The following ZMYM2 variants were observed in gnomAD, a reference collection of about 807,000 sequenced individuals.
ZMYM2 encodes the protein zinc finger MYM-type protein 2.
Under a neutral mutation model 162.8 loss-of-function variants are expected in ZMYM2, and 56 were observed. The observed-to-expected ratio is 0.34, with a 90% confidence interval of 0.28 to 0.43. The LOEUF (loss-of-function observed/expected upper bound fraction) is 0.43. Among genes scored for constraint, ZMYM2 ranks in the 20% least tolerant of loss-of-function variants. The pLI, the probability that ZMYM2 is intolerant of heterozygous loss-of-function variation, is 1.00. For missense variants in ZMYM2, 1,275 were observed against 1,621.8 expected (o/e 0.79, Z 3.67); for synonymous variants, 510 against 541.6 (o/e 0.94, Z 0.81).
chr13:20,064,996 G>GTT (rs1956563312), intron 19 of ZMYM2, among the ~76,000 whole-genome samples: 1 of 152,102 alleles, frequency 6.6e-6, no homozygotes, highest in East Asian at 1.9e-4. Context: ...GATCAGTGGG[G>GTT]TTGAAGTACA....
chr13:19,884,697 T>C, the ZMYM2 span, among the ~76,000 whole-genome samples: 7 of 152,146 alleles, frequency 4.6e-5, no homozygotes, highest in African/African-American at 1.2e-4. Context: ...ACTTCGTTCC[T>C]TGCGGCGGAT....
chr13:19,988,382 A>T (rs1949346021), intron 2 of ZMYM2, among the ~76,000 whole-genome samples: 1 of 152,242 alleles, frequency 6.6e-6, no homozygotes, highest in South Asian at 2.1e-4. Context: ...TTTGATAGTT[A>T]AAGTGAACAT....
intron 12 of ZMYM2, among the ~76,000 whole-genome samples, chr13:20,046,809 C>G (rs1297744801): frequency 1.3e-5 from 2 of 151,292 alleles, no homozygotes; most frequent in East Asian, 3.9e-4. Flanking sequence ...GTCGTGTGTT[C>G]CACCTTGCTA....
the ZMYM2 span, among the ~76,000 whole-genome samples, chr13:19,920,742 GTATGTA>G: frequency 3.0e-4 from 3 of 10,098 alleles, no homozygotes; most frequent in Non-Finnish European, 1.2e-3. Context: ...ATGTGTGTAT[GTATGTA>G]TGTATGTATG....
chr13:19,874,280 C>G, the ZMYM2 span, among the ~76,000 whole-genome samples: 2 of 152,088 alleles, frequency 1.3e-5, no homozygotes, highest in Non-Finnish European at 2.9e-5. Context: ...AGTGCAGTAG[C>G]GTGATCACAG....
intron 3 of ZMYM2, among the ~76,000 whole-genome samples, chr13:19,996,239 C>T (rs1265277660): frequency 1.3e-5 from 2 of 152,086 alleles, no homozygotes; most frequent in South Asian, 2.1e-4. Flanking sequence ...TCTTATTTGT[C>T]GAGTAATGTC....
chr13:19,924,715 T>C, the ZMYM2 span, among the ~76,000 whole-genome samples: 1 of 152,180 alleles, frequency 6.6e-6, no homozygotes, highest in African/African-American at 2.4e-5. Context: ...CGTCTATGGA[T>C]GGAGATTTGG....
chr13:20,015,497 TG>T (rs1311707779), intron 6 of ZMYM2, among the ~76,000 whole-genome samples: 3 of 152,212 alleles, frequency 2.0e-5, no homozygotes, highest in Non-Finnish European at 4.4e-5. Flanking sequence ...GTTCAAGATT[TG>T]TCTTTACTTA....
intron 21 of ZMYM2, among the ~76,000 whole-genome samples, chr13:20,074,789 T>C (rs923433125): frequency 6.6e-6 from 1 of 151,244 alleles, no homozygotes; most frequent in Non-Finnish European, 1.5e-5. Context: ...CCGCCTGCCT[T>C]GGCCTCCCAA....
intron 11 of ZMYM2, among the ~76,000 whole-genome samples, chr13:20,036,478 T>C (rs1400747550): frequency 6.6e-6 from 1 of 152,158 alleles, no homozygotes; most frequent in Admixed American, 6.5e-5. Context: ...TCTGTTTAAA[T>C]AGAACAAATA....
At chr13:19,932,248 A>G in the ZMYM2 span, among the ~76,000 whole-genome samples, 32 of 152,200 alleles carry the variant, frequency 2.1e-4, no homozygotes, top group Non-Finnish European at 4.1e-4. Context: ...TTAAAGCCCT[A>G]GCCCCAATGT....
At chr13:19,990,276 G>T (rs1949500787) in intron 2 of ZMYM2, among the ~76,000 whole-genome samples, 1 of 152,190 alleles carries the variant, frequency 6.6e-6, no homozygotes, top group Non-Finnish European at 1.5e-5. Context: ...TGTAATTAAT[G>T]AATTAGCTAG....
the ZMYM2 span, among the ~76,000 whole-genome samples, chr13:19,909,902 G>C: frequency 6.6e-6 from 1 of 151,962 alleles, no homozygotes; most frequent in Non-Finnish European, 1.5e-5. Context: ...TGAGAGAAGA[G>C]TGGAAGAAAA....
At chr13:20,028,242 T>A (rs1289478639) in intron 9 of ZMYM2, among the ~76,000 whole-genome samples, 1 of 152,216 alleles carries the variant, frequency 6.6e-6, no homozygotes, top group Non-Finnish European at 1.5e-5. Flanking sequence ...AAGACTTAAC[T>A]TGTTATTTCA....
chr13:19,921,062 C>A, the ZMYM2 span, among the ~76,000 whole-genome samples: 2 of 152,154 alleles, frequency 1.3e-5, no homozygotes, highest in Non-Finnish European at 2.9e-5. Context: ...AGCCACTGCA[C>A]TCAGCCTTTC....
At chr13:20,070,574 G>A (rs565363180) in intron 21 of ZMYM2, 110 of 152,688 alleles carry the variant, frequency 7.2e-4, no homozygotes, top group Non-Finnish European at 1.2e-3. Context: ...GCCCAGTGGC[G>A]CGATGTTGGC....
intron 2 of ZMYM2, among the ~76,000 whole-genome samples, chr13:19,986,879 G>C (rs1447359290): frequency 6.6e-6 from 1 of 151,910 alleles, no homozygotes; most frequent in Non-Finnish European, 1.5e-5. Flanking sequence ...GAGGCAGGTG[G>C]ATCACTTGAA....
chr13:20,018,176 T>G (rs1951777480), intron 6 of ZMYM2, among the ~76,000 whole-genome samples: 2 of 152,188 alleles, frequency 1.3e-5, no homozygotes, highest in African/African-American at 4.8e-5. Flanking sequence ...CCACATAATC[T>G]CTACTGACAC....
upstream of ZMYM2, among the ~76,000 whole-genome samples, chr13:19,957,501 A>G (rs557310832): frequency 2.0e-5 from 3 of 152,224 alleles, no homozygotes; most frequent in Admixed American, 6.5e-5. Context: ...ACGTAGGTGT[A>G]GACGAGGAAC....
Sources: gnomAD v4.1 joint callset for allele counts (sites outside exome capture counted in the v4.1 genomes callset) on GRCh38, gnomAD v4.1.1 for gene constraint, MANE v1.5 for transcripts, NCBI Gene and HGNC (gene_info 2026-07-23, HGNC 2026-07-21) for gene names.